SGCD: variants seen among roughly 807,000 people sequenced by gnomAD.
SGCD encodes the protein delta-sarcoglycan.
SGCD carries 18 observed loss-of-function variants against 36.6 expected under a neutral mutation model. That is an observed-to-expected ratio of 0.49 (90% confidence interval 0.34 to 0.73). The LOEUF (loss-of-function observed/expected upper bound fraction) is 0.73, where lower values mean the gene tolerates loss of function less well. SGCD is among the 30% of genes least tolerant of loss of function. SGCD has a pLI of 0.01. For synonymous variants in SGCD, 133 were observed against 130.6 expected (o/e 1.02, Z -0.12); for missense variants, 387 against 346.7 (o/e 1.12, Z -0.92).
At chr5:155,944,743 G>A (rs6870438) in intron 1 of SGCD, among the ~76,000 whole-genome samples, 3 of 152,120 alleles carry the variant, frequency 2.0e-5, no homozygotes, top group South Asian at 2.1e-4. Flanking sequence ...GACAAAAAAT[G>A]TGGTAAGTTT....
chr5:156,696,710 A>G (rs1431600746), intron 7 of SGCD, among the ~76,000 whole-genome samples: 1 of 152,158 alleles, frequency 6.6e-6, no homozygotes, highest in East Asian at 1.9e-4. Flanking sequence ...GGGTTTTGCC[A>G]TGTTGACCAA....
intron 1 of SGCD, among the ~76,000 whole-genome samples, chr5:155,984,777 A>G (rs1379931526): frequency 6.6e-6 from 1 of 152,200 alleles, no homozygotes; most frequent in Admixed American, 6.5e-5. Flanking sequence ...CCCCTCCACC[A>G]GAACCTCTGA....
intron 1 of SGCD, among the ~76,000 whole-genome samples, chr5:155,988,534 C>T (rs577524125): frequency 6.6e-6 from 1 of 152,268 alleles, no homozygotes; most frequent in Admixed American, 6.5e-5. Flanking sequence ...CTAATAGTGC[C>T]AGCCGCAGTG....
At chr5:156,413,840 G>T (rs1364382298) in intron 3 of SGCD, among the ~76,000 whole-genome samples, 2 of 151,324 alleles carry the variant, frequency 1.3e-5, no homozygotes, top group Admixed American at 6.7e-5. Flanking sequence ...ATTGGGAAAA[G>T]GATTTTTTTT....
the SGCD span, among the ~76,000 whole-genome samples, chr5:155,823,194 T>C: frequency 6.6e-6 from 1 of 151,328 alleles, no homozygotes; most frequent in Non-Finnish European, 1.5e-5. Flanking sequence ...TGACAGAAGC[T>C]GAGATATTCC....
chr5:156,050,308 C>G (rs570885725), intron 1 of SGCD, among the ~76,000 whole-genome samples: 1 of 146,782 alleles, frequency 6.8e-6, no homozygotes, highest in East Asian at 1.9e-4. Flanking sequence ...AGACTCTCCA[C>G]CAGCAGAAAG....
intron 6 of SGCD, among the ~76,000 whole-genome samples, chr5:156,630,344 G>A (rs1175756304): frequency 6.6e-6 from 1 of 152,182 alleles, no homozygotes; most frequent in Non-Finnish European, 1.5e-5. Context: ...TGGATGAATG[G>A]ATGGACAGAT....
At chr5:156,042,710 C>G (rs1344214714) in intron 1 of SGCD, among the ~76,000 whole-genome samples, 1 of 152,030 alleles carries the variant, frequency 6.6e-6, no homozygotes, top group Admixed American at 6.6e-5. Flanking sequence ...AGCTGGTGGG[C>G]CTGGGGGGAG....
chr5:156,229,814 G>C (rs183981389), intron 3 of SGCD, among the ~76,000 whole-genome samples: 4 of 151,996 alleles, frequency 2.6e-5, no homozygotes, highest in Non-Finnish European at 5.9e-5. Context: ...AGGTTTGGTC[G>C]TTTAACATAA....
intron 3 of SGCD, among the ~76,000 whole-genome samples, chr5:156,134,798 G>A (rs3097854): frequency 0.44 from 67,406 of 151,770 alleles, 15,756 homozygotes; most frequent in African/African-American, 0.58. Flanking sequence ...TACATATGTA[G>A]CAAACCTGCA....
intron 4 of SGCD, among the ~76,000 whole-genome samples, chr5:156,573,136 G>C (rs1158278603): frequency 6.6e-6 from 1 of 151,930 alleles, no homozygotes; most frequent in East Asian, 1.9e-4. Context: ...AACAATACAT[G>C]GTCATTTCTT....
chr5:155,839,512 C>A, the SGCD span, among the ~76,000 whole-genome samples: 1 of 152,132 alleles, frequency 6.6e-6, no homozygotes, highest in South Asian at 2.1e-4. Context: ...TTCGCTTTGG[C>A]ATAAGGAGTT....
intron 7 of SGCD, among the ~76,000 whole-genome samples, chr5:156,746,413 C>T (rs1756939249): frequency 6.6e-6 from 1 of 152,072 alleles, no homozygotes. Context: ...CCTAAGGTAA[C>T]AGAAGGAATA....
At chr5:156,438,929 G>C (rs1753368758) in intron 3 of SGCD, among the ~76,000 whole-genome samples, 1 of 152,100 alleles carries the variant, frequency 6.6e-6, no homozygotes, top group Admixed American at 6.6e-5. Flanking sequence ...AAACCTGAGA[G>C]AGTTACTGTT....
rs1487144944 is a variant in SGCD, at chr5:156,765,194, C to T, written c.*5804C>T. The T allele has an allele frequency of 1.3e-5, 2 of 152,202 alleles. No individual in the cohort carries two copies. Among genetic ancestry groups the T allele is most frequent in the African/African-American group, 4.8e-5 (2 of 41,454 alleles). 9.4% of individuals were successfully genotyped at this position (152,202 alleles called of 1,614,324 possible). On this transcript the variant is annotated 3_prime_UTR_variant, in exon 9 of 9. Transcript: ENST00000337851. ...CCCTCACTTTCCAATGGCTTCACAT[C>T]CTACTTCTACATTTGGGGTTTTTTG...
intron 3 of SGCD, among the ~76,000 whole-genome samples, chr5:156,233,566 G>A (rs1427115639): frequency 6.6e-6 from 1 of 152,170 alleles, no homozygotes; most frequent in Non-Finnish European, 1.5e-5. Context: ...ATTGACAGAT[G>A]AGAATCTGAG....
rs551412722 is a variant in SGCD, at chr5:155,925,305, A to G, written c.-282+54881A>G. ...ATTTTTCTAGTATATTAGTTTCCTC[A>G]AGCTGCCATAGCAAAGTACCACAAA... is the stretch of plus-strand genomic sequence containing the variant. On this transcript the variant is annotated intron_variant, in intron 1 of 9. Transcript: ENST00000517913. 2.6e-5 allele frequency among the ~76,000 whole-genome samples: 4 copies of G among 152,284 alleles called. No homozygotes were observed. In the East Asian group the frequency reaches 5.8e-4, roughly 22 times the overall value.
chr5:155,851,149 A>G, the SGCD span, among the ~76,000 whole-genome samples: 2 of 152,240 alleles, frequency 1.3e-5, no homozygotes, highest in African/African-American at 4.8e-5. Context: ...TGTCTTAGTC[A>G]CACATATCAA....
At chr5:156,158,622 A>T (rs1763017594) in intron 3 of SGCD, among the ~76,000 whole-genome samples, 1 of 151,632 alleles carries the variant, frequency 6.6e-6, no homozygotes, top group African/African-American at 2.4e-5. Context: ...CAGAGAGCCC[A>T]TTAATGCAGT....
Sources: gnomAD v4.1 joint callset for allele counts (sites outside exome capture counted in the v4.1 genomes callset) on GRCh38, gnomAD v4.1.1 for gene constraint, MANE v1.5 for transcripts, NCBI Gene and HGNC (gene_info 2026-07-23, HGNC 2026-07-21) for gene names.